The following SAP130 variants were observed in gnomAD, a reference collection of about 807,000 sequenced individuals.
SAP130 encodes Sin3A associated protein 130.
Under a neutral mutation model 103.2 loss-of-function variants are expected in SAP130, and 16 were observed. The ratio of observed to expected loss-of-function variants is 0.16; its 90% CI spans 0.10 to 0.24. The LOEUF (loss-of-function observed/expected upper bound fraction) is 0.24, where lower values mean the gene tolerates loss of function less well. SAP130 is among the 10% of genes least tolerant of loss of function. SAP130 has a pLI of 1.00. For synonymous variants in SAP130, 477 were observed against 497.0 expected, an observed-to-expected ratio of 0.96 and a Z score of 0.53; for missense variants, 990 against 1,359.7, an observed-to-expected ratio of 0.73 and a Z score of 4.28.
rs1387124197 is a variant in SAP130, at chr2:128,017,712, C to A, written c.316G>T (p.Val106Leu). 2 of 1,614,226 alleles carry A rather than the reference C, an allele frequency of 1.2e-6. No individual in the cohort carries two copies. Among genetic ancestry groups the A allele is most frequent in the Non-Finnish European group, 1.7e-6 (2 of 1,180,050 alleles). Residue 106 changes from valine (V) to leucine (L), a missense_variant, in exon 3 of 21, where the codon GTG (valine) becomes TTG (leucine). Coordinates refer to ENST00000643581, the MANE Select transcript of SAP130 (RefSeq NM_001330301.2). ...TAPPAHLTPAVPLSFSEGLMK... is the reference protein window; with the variant it reads ...TAPPAHLTPALPLSFSEGLMK... ...AGTCCCTCCGAAAATGAAAGTGGCA[C>A]TGCTGGCGTCAGGTGTGCTGGCGGG...
Position 128,001,755 on chromosome 2 carries a change from T to C in SAP130, c.870-1301A>G, listed in dbSNP as rs542858206. ...CTAGGTTTGTGTAAGTATACTCTTA[T>C]GATGTTTGCATGTCAAGACTGCCTA... On this transcript the variant is annotated intron_variant, in intron 7 of 20. Transcript: ENST00000643581. Among the ~76,000 whole-genome samples the C allele has an allele frequency of 1.4e-4, 22 of 152,244 alleles. No homozygotes were observed. The South Asian group carries it at 3.9e-3, about 27-fold the overall frequency.
At chr2:127,976,097 C>T (rs1220161994) in intron 15 of SAP130, among the ~76,000 whole-genome samples, 7 of 152,184 alleles carry the variant, frequency 4.6e-5, no homozygotes, top group African/African-American at 1.7e-4. Flanking sequence ...CTGCCCGCCT[C>T]GGCCTCCCAA....
intron 7 of SAP130, among the ~76,000 whole-genome samples, chr2:128,006,719 G>A (rs1683999985): frequency 6.6e-6 from 1 of 152,240 alleles, no homozygotes; most frequent in Non-Finnish European, 1.5e-5. Flanking sequence ...GGTCAAGGCT[G>A]CAGTGAGCCG....
At chr2:127,973,959 A>T (rs1484632904) in intron 15 of SAP130, among the ~76,000 whole-genome samples, 1 of 151,998 alleles carries the variant, frequency 6.6e-6, no homozygotes, top group African/African-American at 2.4e-5. Context: ...AGTAGTCCTA[A>T]CTACTCAGGA....
intron 2 of SAP130, among the ~76,000 whole-genome samples, chr2:128,022,745 C>G (rs1188084121): frequency 6.6e-6 from 1 of 152,022 alleles, no homozygotes; most frequent in African/African-American, 2.4e-5. Flanking sequence ...TTCTTTGGCA[C>G]TTATCTAGCT....
In SAP130 at chr2:127,945,569, TA is replaced by T; in HGVS notation, c.2798-11del. 2 of 1,497,186 alleles carry T rather than the reference TA, an allele frequency of 1.3e-6. No individual in the cohort carries two copies. The highest frequency in any genetic ancestry group is 9.3e-7 in the Non-Finnish European group (1 of 1,073,976). 92.7% of individuals were successfully genotyped at this position (1,497,186 alleles called of 1,614,324 possible). A position where few individuals can be genotyped will look rare whatever the true frequency, so the allele number is the denominator to read the frequency against. On this transcript the variant is annotated splice_polypyrimidine_tract_variant and intron_variant, in intron 18 of 20. Transcript: ENST00000643581. ...ATAGCTTTCTTCTCCTCTGGAACCATAAAAAATAAAAATACATGTATTTCAG... is the reference window on the plus strand; with the variant it reads ...ATAGCTTTCTTCTCCTCTGGAACCATAAAAATAAAAATACATGTATTTCAG...
chr2:128,017,647 G>A (rs763897130), intron 3 of SAP130, 33 bp downstream of exon 3: 4 of 1,554,676 alleles, frequency 2.6e-6, no homozygotes, highest in Non-Finnish European at 3.6e-6. Flanking sequence ...CTCGAGCTCT[G>A]GTTCAGTGTG....
rs1239006739 is a variant in SAP130 at position 128,010,304 on chromosome 2, A to T, written c.834T>A (p.Thr278=). ...SATRAQSPVI[T]TTAAHATDSA... ...AATCAGTAGCATGCGCCGCTGTCGTAGTGATGACTGGAGACTGAGCTCTGG... is the reference window on the plus strand; with the variant it reads ...AATCAGTAGCATGCGCCGCTGTCGTTGTGATGACTGGAGACTGAGCTCTGG... The change falls in exon 7 of 21, where the codon ACT becomes ACA. Residue 278 remains threonine (T), a synonymous_variant. Transcript: ENST00000643581. 1 of 1,614,026 alleles carries T rather than the reference A, an allele frequency of 6.2e-7. No individual in the cohort carries two copies. The highest frequency in any genetic ancestry group is 1.1e-5 in the South Asian group (1 of 91,064).
At chr2:128,016,774 A>T (rs1409227615) in intron 3 of SAP130, among the ~76,000 whole-genome samples, 2 of 151,972 alleles carry the variant, frequency 1.3e-5, no homozygotes, top group Non-Finnish European at 2.9e-5. Context: ...GCTCAAAGCC[A>T]CACACACAGT....
At chr2:128,002,471 G>A (rs571009490) in intron 7 of SAP130, among the ~76,000 whole-genome samples, 18 of 152,202 alleles carry the variant, frequency 1.2e-4, no homozygotes, top group African/African-American at 4.1e-4. Flanking sequence ...AGAGGTTGCA[G>A]TGAGCCAAGA....
At chr2:127,971,508 C>T (rs1367336537) in intron 15 of SAP130, among the ~76,000 whole-genome samples, 3 of 152,016 alleles carry the variant, frequency 2.0e-5, no homozygotes, top group Non-Finnish European at 2.9e-5. Context: ...AGGATGGTCT[C>T]GATCTCCTGA....
chr2:127,941,988 C>T lies in SAP130; in HGVS notation c.*18G>A, dbSNP rs766070366. The T allele has an allele frequency of 7.9e-7, 1 of 1,266,778 alleles. No homozygotes were observed. Among genetic ancestry groups the T allele is most frequent in the Non-Finnish European group, 1.0e-6 (1 of 976,588 alleles). The allele number at this position is 1,266,778 out of a possible 1,614,324, so 78.5% of individuals were successfully genotyped here. A position where few individuals can be genotyped will look rare whatever the true frequency, so the allele number is the denominator to read the frequency against. The stretch of plus-strand genomic sequence containing the variant: ...CATTCTTCATAAATTTGCTTCCAAT[C>T]TCCTGATTGTTCTGGGTCTAGACTT... On this transcript the variant is annotated 3_prime_UTR_variant, in exon 21 of 21. Transcript: ENST00000643581.
intron 2 of SAP130, among the ~76,000 whole-genome samples, chr2:128,019,553 A>G (rs1390870107): frequency 6.6e-6 from 1 of 151,252 alleles, no homozygotes; most frequent in Admixed American, 6.6e-5. Context: ...TACAGGTGTG[A>G]GCCACTGCAC....
At chr2:127,965,191 G>A (rs150229107) in intron 15 of SAP130, among the ~76,000 whole-genome samples, 14 of 152,228 alleles carry the variant, frequency 9.2e-5, no homozygotes, top group African/African-American at 3.4e-4. Context: ...CAGCTACTTG[G>A]GAGGCTGAGG....
intron 2 of SAP130, among the ~76,000 whole-genome samples, chr2:128,020,953 G>A (rs189950339): frequency 6.6e-6 from 1 of 152,256 alleles, no homozygotes; most frequent in African/African-American, 2.4e-5. Flanking sequence ...CCAAGACTGT[G>A]CACTCCAGCC....
chr2:127,999,975 G>C (rs1449917260), intron 9 of SAP130, 81 bp downstream of exon 9: 1 of 1,479,516 alleles, frequency 6.8e-7, no homozygotes, highest in East Asian at 2.3e-5. Context: ...TTCTCTGACT[G>C]AAGGTGAGAA....
chr2:127,977,853 G>T, intron 15 of SAP130, 132 bp downstream of exon 15: 1 of 680,604 alleles, frequency 1.5e-6, no homozygotes, highest in Non-Finnish European at 2.5e-6. Context: ...GATGGCGGCT[G>T]AGAATAGCCA....
Position 127,941,954 on chromosome 2 carries a change from C to T in SAP130, c.*52G>A. 3.0e-6 allele frequency: 1 copy of T among 335,504 alleles called. No individual in the cohort carries two copies. Among genetic ancestry groups the T allele is most frequent in the Non-Finnish European group, 5.6e-6 (1 of 179,974 alleles). The allele number at this position is 335,504 out of a possible 1,614,324, so 20.8% of individuals were successfully genotyped here. The stretch of plus-strand genomic sequence containing the variant: ...GAAAAAACCAAAACCCTCCCCCCAC[C>T]CCCACCATCATTCTTCATAAATTTG... On this transcript the variant is annotated 3_prime_UTR_variant, in exon 21 of 21. Coordinates refer to ENST00000643581, the MANE Select transcript of SAP130 (RefSeq NM_001330301.2).
chr2:127,976,649 C>T (rs1194530516), intron 15 of SAP130, among the ~76,000 whole-genome samples: 1 of 152,238 alleles, frequency 6.6e-6, no homozygotes, highest in Non-Finnish European at 1.5e-5. Flanking sequence ...CGGTGGCTCA[C>T]GCCTGTAATC....
Sources: gnomAD v4.1 joint callset for allele counts (sites outside exome capture counted in the v4.1 genomes callset) on GRCh38, gnomAD v4.1.1 for gene constraint, MANE v1.5 for transcripts, NCBI Gene and HGNC (gene_info 2026-07-23, HGNC 2026-07-21) for gene names.